The following MYH7B variants were observed in gnomAD, a reference collection of about 807,000 sequenced individuals.
The protein encoded by MYH7B is myosin-7B.
In MYH7B, 205 loss-of-function variants were observed where a neutral mutation model predicts 234.5. The observed-to-expected ratio is 0.87, with a 90% CI of 0.78 to 0.98. MYH7B has a LOEUF of 0.98. MYH7B is among the 50% of genes least tolerant of loss of function. MYH7B has a pLI of 0.00. For missense variants in MYH7B, 2,652 were observed against 2,633.4 expected, an observed-to-expected ratio of 1.01 and a Z score of -0.15; for synonymous variants, 1,193 against 1,105.0, an observed-to-expected ratio of 1.08 and a Z score of -1.58.
chr20:35,000,307 G>T (rs200483933), exon 39 of MYH7B: 41 of 1,582,874 alleles, frequency 2.6e-5, no homozygotes, highest in Non-Finnish European at 3.4e-5. Context: ...AACCACCAGC[G>T]AGCTGTGGAG....
chr20:35,000,095 G>C (rs907883977), intron 38 of MYH7B, among the ~76,000 whole-genome samples, 189 bp downstream of exon 38: 4 of 152,140 alleles, frequency 2.6e-5, no homozygotes, highest in African/African-American at 9.7e-5. Flanking sequence ...GAGCCAGTCA[G>C]TCCACCTCTG....
At chr20:34,973,513 C>T (rs532917674) in intron 2 of MYH7B, among the ~76,000 whole-genome samples, 3 of 152,296 alleles carry the variant, frequency 2.0e-5, no homozygotes, top group East Asian at 3.9e-4. Flanking sequence ...GAAATCGGAA[C>T]GAACTTCAAA....
At position 34,985,110 on chromosome 20, in the gene MYH7B, A is replaced by G. The variant is rs750319410; in HGVS notation, c.786A>G (p.Ala262=). 7 of 1,614,064 alleles carry G rather than the reference A, an allele frequency of 4.3e-6. No individual in the cohort carries two copies. In the South Asian group the frequency reaches 7.7e-5, roughly 18 times the overall value. ...ACTTTGGTCCCTCTGGGAAGCTGGC[A>G]TCCGCGGATATTGACAGCTGTGAGT... The change falls in exon 13 of 45, where the codon GCA becomes GCG. Residue 262 remains alanine, a synonymous_variant. Coordinates refer to ENST00000262873, the Ensembl canonical transcript of MYH7B.
At chr20:34,980,761 A>G (rs1370813547) in intron 8 of MYH7B, 27 bp downstream of exon 8, 15 of 1,605,412 alleles carry the variant, frequency 9.3e-6, no homozygotes, top group Non-Finnish European at 1.3e-5. Flanking sequence ...CTCCTCCCCA[A>G]CCGCAGACCC....
At chr20:34,997,282 A>G (rs2082278877) in exon 32 of MYH7B, 1 of 1,557,554 alleles carries the variant, frequency 6.4e-7, no homozygotes, top group Non-Finnish European at 8.7e-7. Context: ...GAGGAGCTGG[A>G]GGCAGAGCGG....
At chr20:34,975,470 C>A in exon 3 of MYH7B, 1 of 710,220 alleles carries the variant, frequency 1.4e-6, no homozygotes. Flanking sequence ...CCGCCTGGGC[C>A]TCCCAAAGTG....
chr20:34,967,215 C>T (rs1031740475), intron 2 of MYH7B, among the ~76,000 whole-genome samples: 1 of 150,554 alleles, frequency 6.6e-6, no homozygotes, highest in East Asian at 1.9e-4. Context: ...GGAAACAGAA[C>T]GAGACTCCAT....
chr20:34,974,998 G>C (rs2081834364), intron 2 of MYH7B, among the ~76,000 whole-genome samples: 1 of 152,016 alleles, frequency 6.6e-6, no homozygotes, highest in African/African-American at 2.4e-5. Context: ...AAAGAAGAAA[G>C]GAATACATAA....
intron 3 of MYH7B, among the ~76,000 whole-genome samples, chr20:34,977,099 GTTC>G (rs1162234550): frequency 5.4e-5 from 7 of 128,608 alleles, no homozygotes; most frequent in Non-Finnish European, 9.3e-5. Flanking sequence ...TTTTTGATCT[GTTC>G]TTCTCCTTCT....
In MYH7B at chr20:34,999,187, G is replaced by A. The variant is rs1256739178; in HGVS notation, c.4322G>A (p.Arg1441Gln). 1.4e-5 allele frequency: 22 copies of A among 1,613,138 alleles called. No homozygotes were observed. The highest frequency in any genetic ancestry group is 5.0e-5 in the Admixed American group (3 of 59,914). Reference sequence around the variant, plus strand: ...GAGGATGTAACCCTGGAGCTGGAGCGGGCGACCTCAGCAGCTGCTGCGCTG... The same window carrying A: ...GAGGATGTAACCCTGGAGCTGGAGCAGGCGACCTCAGCAGCTGCTGCGCTG... The change falls in exon 36 of 45, where the codon CGG (arginine) becomes CAG (glutamine). Residue 1441 changes from arginine to glutamine, a missense_variant. Arg to Gln is a conservative substitution (Grantham distance 43). Coordinates refer to ENST00000262873, the Ensembl canonical transcript of MYH7B.
At chr20:34,990,703 C>T in intron 22 of MYH7B, 35 bp from the exon 23 acceptor site, 1 of 1,605,244 alleles carries the variant, frequency 6.2e-7, no homozygotes, top group Non-Finnish European at 8.5e-7. Flanking sequence ...TCTCTGCCCC[C>T]TTTGTGCCTT....
At chr20:34,989,030 G>A (rs1374773916) in intron 19 of MYH7B, among the ~76,000 whole-genome samples, 1 of 152,120 alleles carries the variant, frequency 6.6e-6, no homozygotes, top group Non-Finnish European at 1.5e-5. Context: ...GGCTGGTCTC[G>A]AACTCCTGAC....
chr20:34,998,302 C>T, exon 33 of MYH7B: 2 of 1,613,944 alleles, frequency 1.2e-6, no homozygotes, highest in Non-Finnish European at 1.7e-6. Context: ...TAGGCCAGTG[C>T]AGAGAAGCTG....
At chr20:34,996,786 G>A in intron 30 of MYH7B, 28 bp downstream of exon 30, 1 of 1,595,632 alleles carries the variant, frequency 6.3e-7, no homozygotes, top group South Asian at 1.1e-5. Flanking sequence ...GCAGGTGGGG[G>A]CCTTCTGAGC....
At chr20:34,997,112 T>C (rs1600467683) in exon 31 of MYH7B, 1 of 1,543,998 alleles carries the variant, frequency 6.5e-7, no homozygotes, top group Non-Finnish European at 8.7e-7. Flanking sequence ...CAGCTGAGCC[T>C]GCGGGTGGAA....
At chr20:34,998,963 G>A (rs1282843147) in intron 35 of MYH7B, 48 bp downstream of exon 35, 3 of 1,591,412 alleles carry the variant, frequency 1.9e-6, no homozygotes, top group East Asian at 2.2e-5. Context: ...CTTTATGCCT[G>A]TGCCTGAGCC....
chr20:34,998,264 C>G (rs910211413), intron 32 of MYH7B, 31 bp from the exon 33 acceptor site: 1 of 1,612,004 alleles, frequency 6.2e-7, no homozygotes, highest in African/African-American at 1.3e-5. Flanking sequence ...CATCTAACTC[C>G]TGACCCCTGA....
chr20:34,984,710 A>C, exon 11 of MYH7B: 1 of 1,605,198 alleles, frequency 6.2e-7, no homozygotes, highest in Non-Finnish European at 8.5e-7. Context: ...GGCAACAAAG[A>C]CGGGGGTGAG....
chr20:35,000,371 G>C (rs1421084393), exon 39 of MYH7B: 1 of 1,599,216 alleles, frequency 6.3e-7, no homozygotes. Flanking sequence ...AGGCGCTGCG[G>C]CTCAAGAAGA....
Sources: allele counts gnomAD v4.1 joint callset (sites outside exome capture counted in the v4.1 genomes callset), GRCh38; gene constraint gnomAD v4.1.1; transcripts MANE v1.5; gene names NCBI Gene and HGNC (gene_info 2026-07-23, HGNC 2026-07-21).